Variants in TCIRG1 observed in about 807,000 individuals in gnomAD.
TCIRG1 encodes T cell immune regulator 1, ATPase H+ transporting V0 subunit a3.
TCIRG1 carries 86 observed loss-of-function variants against 95.5 expected under a neutral mutation model. The observed-to-expected ratio is 0.90, with a 90% CI of 0.76 to 1.08. TCIRG1 has a LOEUF of 1.08. Ranked by LOEUF, TCIRG1 falls within the 50% of genes least tolerant of loss-of-function variation. The pLI, the probability that TCIRG1 is intolerant of heterozygous loss-of-function variation, is 0.00. For synonymous variants in TCIRG1, 499 were observed against 501.3 expected (o/e 1.00, Z 0.06); for missense variants, 1,069 against 1,140.2 (o/e 0.94, Z 0.90).
At chr11:68,042,372 T>C (rs1464432467) in intron 3 of TCIRG1, among the ~76,000 whole-genome samples, 1 of 152,138 alleles carries the variant, frequency 6.6e-6, no homozygotes, top group African/African-American at 2.4e-5. Flanking sequence ...CCAGCTCCGG[T>C]CCCAAGCCCT....
At position 68,043,002 on chromosome 11, in the gene TCIRG1, C is replaced by CG. The variant is rs1554995341; in HGVS notation, c.480dup (p.Pro161AlafsTer66). On this transcript the variant is annotated frameshift_variant, in exon 5 of 20. Coordinates refer to ENST00000265686, the MANE Select transcript of TCIRG1 (RefSeq NM_006019.4). LOFTEE classifies it high-confidence loss of function. ...AGAGGACGCCCCTGCTCCAGGCCCCCGGGGGGCCGCACCAGGACCTGAGGG... is the reference window on the plus strand; with the variant it reads ...AGAGGACGCCCCTGCTCCAGGCCCCCGGGGGGGCCGCACCAGGACCTGAGGG... 2 of 1,552,252 alleles carry CG rather than the reference C, an allele frequency of 1.3e-6. No homozygotes were observed. Among genetic ancestry groups the CG allele is most frequent in the Middle Eastern group, 1.7e-4 (1 of 5,738 alleles).
In TCIRG1 at chr11:68,049,346, C is replaced by T. The variant is rs370407832; in HGVS notation, c.1887+52C>T. The T allele has an allele frequency of 1.4e-4, 215 of 1,534,430 alleles. 1 individual carries two copies. The highest frequency in any genetic ancestry group is 3.3e-4 in the African/African-American group (24 of 72,974). ...CTCACACGGCCTCATGGGGACCCCGCGGTCACAGGGCCACTGGGAGCTGCA... is the reference window on the plus strand; with the variant it reads ...CTCACACGGCCTCATGGGGACCCCGTGGTCACAGGGCCACTGGGAGCTGCA... On this transcript the variant is annotated intron_variant, in intron 15 of 19. Coordinates refer to ENST00000265686, the MANE Select transcript of TCIRG1 (RefSeq NM_006019.4).
At position 68,041,615 on chromosome 11, in the gene TCIRG1, G is replaced by T. The variant is rs1590800633; in HGVS notation, c.118-138G>T. 17 of 786,690 alleles carry T rather than the reference G, an allele frequency of 2.2e-5. No individual in the cohort carries two copies. In the South Asian group the frequency reaches 2.4e-4, roughly 11 times the overall value. The allele number at this position is 786,690 out of a possible 1,614,324, so 48.7% of individuals were successfully genotyped here. Reference sequence around the variant, plus strand: ...GGGTCTGGTCTGTGCTCTGATCTGCGTCTTGTGGCTCCCAGGGCACTCCAC... The same window carrying T: ...GGGTCTGGTCTGTGCTCTGATCTGCTTCTTGTGGCTCCCAGGGCACTCCAC... On this transcript the variant is annotated intron_variant, in intron 2 of 19. Coordinates refer to ENST00000265686, the MANE Select transcript of TCIRG1 (RefSeq NM_006019.4).
chr11:68,042,892 G>A (rs1855245685), intron 4 of TCIRG1, 29 bp downstream of exon 4: 1 of 1,550,044 alleles, frequency 6.5e-7, no homozygotes, highest in African/African-American at 1.4e-5. Context: ...AGGAGACTGG[G>A]GGGCTGGGGA....
In TCIRG1 at chr11:68,042,711, C is replaced by A; in HGVS notation, c.265C>A (p.Pro89Thr). Residue 89 changes from proline (P) to threonine (T), a missense_variant, in exon 4 of 20, where the codon CCC becomes ACC. Physicochemically the swap from Pro to Thr is conservative, Grantham distance 38. Transcript: ENST00000265686. ...LPPPKGRLPAPPPRDLLRIQE... is the reference protein window; with the variant it reads ...LPPPKGRLPATPPRDLLRIQE... ...CCCGCCAAAGGGGAGGCTGCCGGCA[C>A]CCCCACCCCGGGACCTGCTGCGCAT... 6.5e-7 allele frequency: 1 copy of A among 1,546,146 alleles called. No individual in the cohort carries two copies. Among genetic ancestry groups the A allele is most frequent in the African/African-American group, 1.4e-5 (1 of 73,032 alleles).
intron 9 of TCIRG1, 84 bp downstream of exon 9, chr11:68,044,428 T>TC (rs1351136108): frequency 8.7e-7 from 1 of 1,148,128 alleles, no homozygotes; most frequent in Non-Finnish European, 1.3e-6. Flanking sequence ...AGCCTCTGGC[T>TC]CCCTGCACCT....
rs371263807 is a variant in TCIRG1, at chr11:68,049,783, C to A, written c.2008C>A (p.Arg670=). ...CCGCCTGCGGAGGAGGCCCGCTGAC[C>A]GACAGGTGGGACCGGGGCCTAAGGT... is the stretch of plus-strand genomic sequence containing the variant. ...RRRLRRRPAD[R]QEENKAGLLD... is the part of the protein sequence containing the mutation. Residue 670 remains arginine, a synonymous_variant, in exon 16 of 20, where the codon CGA becomes AGA. Transcript: ENST00000265686. The A allele has an allele frequency of 3.0e-5, 47 of 1,570,360 alleles. No individual in the cohort carries two copies. The Admixed American group carries it at 6.8e-4, about 23-fold the overall frequency.
In TCIRG1 at chr11:68,041,253, C is replaced by T. The variant is rs1403243104; in HGVS notation, c.-4-15C>T. ...GGTCTGCCCCTGACTGGCCCCCATC[C>T]GTGTCCACCCACAGGACCATGGGCT... On this transcript the variant is annotated splice_polypyrimidine_tract_variant and intron_variant, in intron 1 of 19. Transcript: ENST00000265686. The T allele has an allele frequency of 2.1e-5, 33 of 1,578,184 alleles. No individual in the cohort carries two copies. Among genetic ancestry groups the T allele is most frequent in the African/African-American group, 4.0e-5 (3 of 74,374 alleles).
chr11:68,045,022 T>C lies in TCIRG1; in HGVS notation c.1085T>C (p.Ile362Thr). The C allele has an allele frequency of 1.2e-6, 2 of 1,608,196 alleles. No homozygotes were observed. Among genetic ancestry groups the C allele is most frequent in the Non-Finnish European group, 1.7e-6 (2 of 1,179,988 alleles). ...IPCRDMPPTL[I>T]RTNRFTASFQ... ...TGCCGGGACATGCCCCCCACACTCA[T>C]CCGCACCAACCGCTTCACGGCCAGC... Residue 362 changes from isoleucine (I) to threonine (T), a missense_variant, in exon 10 of 20, where the codon ATC becomes ACC. By Grantham distance (89) the Ile-to-Thr change is moderately conservative. Coordinates refer to ENST00000265686, the MANE Select transcript of TCIRG1 (RefSeq NM_006019.4).
At position 68,049,736 on chromosome 11, in the gene TCIRG1, A is replaced by C; in HGVS notation, c.1961A>C (p.His654Pro). 1 of 1,582,728 alleles carries C rather than the reference A, an allele frequency of 6.3e-7. No individual in the cohort carries two copies. Among genetic ancestry groups the C allele is most frequent in the Non-Finnish European group, 8.5e-7 (1 of 1,170,396 alleles). Residue 654 changes from histidine (H) to proline (P), a missense_variant, in exon 16 of 20, where the codon CAC (histidine) becomes CCC (proline). Physicochemically the swap from His to Pro is moderately conservative, Grantham distance 77. Coordinates refer to ENST00000265686, the MANE Select transcript of TCIRG1 (RefSeq NM_006019.4). ...ATCCTGCTGCTTGGCACACCCCTGC[A>C]CCTGCTGCACCGCCACCGCCGCCGC... is the stretch of plus-strand genomic sequence containing the variant. ...VPILLLGTPL[H>P]LLHRHRRRLR...
Position 68,042,768 on chromosome 11 carries a change from C to T in TCIRG1, c.322C>T (p.Leu108=), listed in dbSNP as rs923461061. 2 of 1,547,718 alleles carry T rather than the reference C, an allele frequency of 1.3e-6. No homozygotes were observed. Among genetic ancestry groups the T allele is most frequent in the African/African-American group, 2.7e-5 (2 of 72,960 alleles). The change falls in exon 4 of 20, where the codon CTG becomes TTG. Residue 108 remains leucine, a synonymous_variant. Coordinates refer to ENST00000265686, the MANE Select transcript of TCIRG1 (RefSeq NM_006019.4). Reference sequence around the variant, plus strand: ...GGAGACGGAGCGCCTGGCCCAGGAGCTGCGGGATGTGCGGGGCAACCAGCA... The same window carrying T: ...GGAGACGGAGCGCCTGGCCCAGGAGTTGCGGGATGTGCGGGGCAACCAGCA... ...QEETERLAQE[L]RDVRGNQQAL...
In TCIRG1 at chr11:68,041,464, C is replaced by T. The variant is rs775458381; in HGVS notation, c.117+76C>T. ...GGAGGCCGGTCCAGGATGGGGACTG[C>T]CCCCCCTCCGCCATAGGGCCCTGGC... is the stretch of plus-strand genomic sequence containing the variant. On this transcript the variant is annotated intron_variant, in intron 2 of 19. Coordinates refer to ENST00000265686, the MANE Select transcript of TCIRG1 (RefSeq NM_006019.4). 31 of 1,099,270 alleles carry T rather than the reference C, an allele frequency of 2.8e-5. No individual in the cohort carries two copies. The African/African-American group carries it at 4.2e-4, about 15-fold the overall frequency. The allele number at this position is 1,099,270 out of a possible 1,614,324, so 68.1% of individuals were successfully genotyped here. A position where few individuals can be genotyped will look rare whatever the true frequency, so the allele number is the denominator to read the frequency against.
At position 68,050,469 on chromosome 11, in the gene TCIRG1, T is replaced by C. The variant is rs1294072938; in HGVS notation, c.2237-18T>C. 4.3e-6 allele frequency: 7 copies of C among 1,612,406 alleles called. No homozygotes were observed. Among genetic ancestry groups the C allele is most frequent in the Non-Finnish European group, 5.1e-6 (6 of 1,179,960 alleles). On this transcript the variant is annotated intron_variant, in intron 18 of 19. Coordinates refer to ENST00000265686, the MANE Select transcript of TCIRG1 (RefSeq NM_006019.4). ...GCACCCACTTGCCGTTGGCCCCCAC[T>C]GTCTCCTTTGCTTGCAGAGCTGTCC...
Position 68,044,303 on chromosome 11 carries a change from C to A in TCIRG1, c.979C>A (p.Arg327=), listed in dbSNP as rs749361897. The A allele has an allele frequency of 4.4e-6, 7 of 1,602,622 alleles. No homozygotes were observed. The African/African-American group carries it at 6.7e-5, about 15-fold the overall frequency. ...CATTGCCGAGGCCTGGTGCTCTGTG[C>A]GAGACCTGCCCGCCCTGCAGGAGGC... The part of the protein sequence containing the change: ...CLIAEAWCSV[R]DLPALQEALR... Residue 327 remains arginine, a synonymous_variant, in exon 9 of 20, where the codon CGA becomes AGA. Transcript: ENST00000265686.
chr11:68,040,745 C>G (rs944322397), intron 1 of TCIRG1, among the ~76,000 whole-genome samples: 6 of 152,222 alleles, frequency 3.9e-5, no homozygotes, highest in African/African-American at 1.2e-4. Context: ...CCGGGCGGCC[C>G]GGGCCTCAGG....
chr11:68,041,847 G>A lies in TCIRG1; in HGVS notation c.196+16G>A. The A allele has an allele frequency of 6.3e-7, 1 of 1,597,112 alleles. No homozygotes were observed. Among genetic ancestry groups the A allele is most frequent in the South Asian group, 1.1e-5 (1 of 88,510 alleles). On this transcript the variant is annotated intron_variant, in intron 3 of 19. Transcript: ENST00000265686. ...AAGACCTTCAGTGAGTTGGTCCCAGGCCTACATTCCAGGCAGGCTTCCTGG... is the reference window on the plus strand; with the variant it reads ...AAGACCTTCAGTGAGTTGGTCCCAGACCTACATTCCAGGCAGGCTTCCTGG...
At chr11:68,043,103 G>T in intron 5 of TCIRG1, 72 bp downstream of exon 5, 3 of 1,547,326 alleles carry the variant, frequency 1.9e-6, no homozygotes, top group Non-Finnish European at 2.6e-6. Context: ...GCTGGGCCAG[G>T]CTGAGCTCCG....
intron 1 of TCIRG1, among the ~76,000 whole-genome samples, chr11:68,039,325 C>G (rs911212374): frequency 3.3e-5 from 5 of 152,164 alleles, no homozygotes; most frequent in African/African-American, 1.2e-4. Context: ...ACCAACACAG[C>G]CCAGCGTTCC....
At chr11:68,046,937 A>G in intron 10 of TCIRG1, 1 of 452,842 alleles carries the variant, frequency 2.2e-6, no homozygotes, top group South Asian at 1.5e-5. Context: ...CATTTTACAG[A>G]TGGGGAAATG....
Sources: allele counts gnomAD v4.1 joint callset (sites outside exome capture counted in the v4.1 genomes callset), GRCh38; gene constraint gnomAD v4.1.1; transcripts MANE v1.5; gene names NCBI Gene and HGNC (gene_info 2026-07-23, HGNC 2026-07-21).